RAP1GAP: variants seen among roughly 807,000 people sequenced by gnomAD.
The protein encoded by RAP1GAP is RAP1 GTPase activating protein, also known as rap1 GTPase-activating protein 1.
In RAP1GAP, 35 loss-of-function variants were observed where a neutral mutation model predicts 87.2. The ratio of observed to expected loss-of-function variants is 0.40; its 90% confidence interval spans 0.31 to 0.53. RAP1GAP has a LOEUF of 0.53. Ranked by LOEUF, RAP1GAP falls within the 20% of genes least tolerant of loss-of-function variation. The pLI is 0.48. For synonymous variants in RAP1GAP, 375 were observed against 363.9 expected, an observed-to-expected ratio of 1.03 and a Z score of -0.35; for missense variants, 734 against 898.9, an observed-to-expected ratio of 0.82 and a Z score of 2.35.
intron 2 of RAP1GAP, among the ~76,000 whole-genome samples, chr1:21,637,892 T>TG (rs1177644192): frequency 2.1e-5 from 3 of 144,138 alleles, no homozygotes; most frequent in Non-Finnish European, 3.0e-5. Flanking sequence ...CCTAGCACTT[T>TG]GGGAGGCCAA....
Position 21,602,889 on chromosome 1 carries a change from G to C in RAP1GAP, c.1453C>G (p.Pro485Ala). The change falls in exon 19 of 25, where the codon CCC (proline) becomes GCC (alanine). Residue 485 changes from proline (P) to alanine (A), a missense_variant. Physicochemically the swap from Pro to Ala is conservative, Grantham distance 27 (BLOSUM62 -1). Around this residue, in one of 2 missense-constraint regions of RAP1GAP, gnomAD observed 249 missense variants for 252.7 expected, o/e 0.99. Transcript: ENST00000374765. ...GISLIVPGKS[P>A]TRKKSGPFGS... ...AACGGGCCCGACTTCTTCCTCGTGG[G>C]GCTCTTCCCAGGGACAATCAGTGAC... is the stretch of plus-strand genomic sequence containing the variant. 1 of 1,610,362 alleles carries C rather than the reference G, an allele frequency of 6.2e-7. No homozygotes were observed. The highest frequency in any genetic ancestry group is 8.5e-7 in the Non-Finnish European group (1 of 1,179,566).
intron 22 of RAP1GAP, 88 bp from the exon 23 acceptor site, chr1:21,598,152 G>A: frequency 1.1e-6 from 1 of 885,280 alleles, no homozygotes; most frequent in Non-Finnish European, 1.7e-6. Flanking sequence ...CGGCACCAGT[G>A]CGCTCCAACC....
At chr1:21,618,091 A>G in intron 5 of RAP1GAP, 119 bp from the exon 6 acceptor site, 1 of 1,173,580 alleles carries the variant, frequency 8.5e-7, no homozygotes, top group Non-Finnish European at 1.3e-6. Flanking sequence ...TGGCCTCATC[A>G]CCTCTTACAG....
At chr1:21,608,397 C>A in intron 16 of RAP1GAP, 47 bp from the exon 17 acceptor site, 4 of 1,588,482 alleles carry the variant, frequency 2.5e-6, no homozygotes, top group Non-Finnish European at 3.4e-6. Context: ...AGGATCAGCC[C>A]TTCGGCCCAC....
intron 2 of RAP1GAP, among the ~76,000 whole-genome samples, chr1:21,632,651 G>C (rs1485940669): frequency 2.0e-5 from 3 of 152,192 alleles, no homozygotes; most frequent in Non-Finnish European, 4.4e-5. Context: ...TGTAATCCCA[G>C]CACTTTGGTA....
At position 21,613,714 on chromosome 1, in the gene RAP1GAP, G is replaced by C; in HGVS notation, c.396-8C>G. ...TATGTCCGGCACTTGGTCCTGAGAAGAGAAAGTCACACGATGAAGGCCTGG... is the reference window on the plus strand; with the variant it reads ...TATGTCCGGCACTTGGTCCTGAGAACAGAAAGTCACACGATGAAGGCCTGG... On this transcript the variant is annotated splice_region_variant and splice_polypyrimidine_tract_variant and intron_variant, in intron 8 of 24. Transcript: ENST00000374765. The surrounding 1 kb of genome is among the most constrained non-coding windows in gnomAD (Gnocchi z 4.7). 2 of 1,608,778 alleles carry C rather than the reference G, an allele frequency of 1.2e-6. No homozygotes were observed. The highest frequency in any genetic ancestry group is 1.7e-6 in the Non-Finnish European group (2 of 1,175,780).
intron 1 of RAP1GAP, chr1:21,651,756 C>A: frequency 6.9e-7 from 1 of 1,456,856 alleles, no homozygotes; most frequent in Non-Finnish European, 9.0e-7. Flanking sequence ...ACGCGCCCCG[C>A]CCCGCGCCGC....
chr1:21,643,309 T>C (rs2095697251), intron 2 of RAP1GAP, among the ~76,000 whole-genome samples: 2 of 152,054 alleles, frequency 1.3e-5, no homozygotes, highest in African/African-American at 2.4e-5. Flanking sequence ...CCTGTAATCC[T>C]AGCACCTTGG....
At chr1:21,607,065 C>A (rs2149093668) in intron 17 of RAP1GAP, among the ~76,000 whole-genome samples, 1 of 152,350 alleles carries the variant, frequency 6.6e-6, no homozygotes, top group South Asian at 2.1e-4. Flanking sequence ...CTTATTCCAA[C>A]CCATAGCTCC....
Position 21,603,951 on chromosome 1 carries a change from CAG to C in RAP1GAP, c.1429-1040_1429-1039del. ...GAGGGCGGGGGCAGAGAGAGAGAGACAGAGAGAGAGTCAGAGAGCAAGAGAGA... is the reference window on the plus strand; with the variant it reads ...GAGGGCGGGGGCAGAGAGAGAGAGACAGAGAGAGTCAGAGAGCAAGAGAGA... On this transcript the variant is annotated intron_variant, in intron 18 of 24. Transcript: ENST00000374765. The surrounding 1 kb of genome is among the most constrained non-coding windows in gnomAD (Gnocchi z 6.0). 2.2e-6 allele frequency: 3 copies of C among 1,390,702 alleles called. No individual in the cohort carries two copies. Among genetic ancestry groups the C allele is most frequent in the African/African-American group, 1.4e-5 (1 of 69,544 alleles). The allele number at this position is 1,390,702 out of a possible 1,614,324, so 86.1% of individuals were successfully genotyped here.
At chr1:21,620,443 C>G (rs994090458) in intron 3 of RAP1GAP, among the ~76,000 whole-genome samples, 1 of 152,234 alleles carries the variant, frequency 6.6e-6, no homozygotes, top group Non-Finnish European at 1.5e-5. Flanking sequence ...GCTCAGTCAA[C>G]CAGGCTCAGG....
chr1:21,616,473 TA>T (rs2082240703), intron 7 of RAP1GAP, among the ~76,000 whole-genome samples: 1 of 152,224 alleles, frequency 6.6e-6, no homozygotes, highest in Non-Finnish European at 1.5e-5. Context: ...CGAGGAAAGT[TA>T]AATAACTTGC....
At chr1:21,633,885 GCAC>G (rs2094246914) in intron 2 of RAP1GAP, among the ~76,000 whole-genome samples, 1 of 152,072 alleles carries the variant, frequency 6.6e-6, no homozygotes, top group African/African-American at 2.4e-5. Context: ...GAGGACAAGG[GCAC>G]AGACCTCCCA....
intron 3 of RAP1GAP, among the ~76,000 whole-genome samples, chr1:21,621,760 GC>G (rs1363731597): frequency 1.3e-5 from 2 of 152,200 alleles, no homozygotes; most frequent in Non-Finnish European, 2.9e-5. Context: ...GATGATGGGT[GC>G]ATTAATGTCC....
intron 1 of RAP1GAP, among the ~76,000 whole-genome samples, chr1:21,656,343 C>T (rs967043294): frequency 2.7e-5 from 4 of 149,294 alleles, no homozygotes; most frequent in African/African-American, 1.0e-4. Context: ...CGCTTGAACC[C>T]AGGAGGCAGA....
In RAP1GAP at chr1:21,634,064, G is replaced by C. The variant is rs925635934; in HGVS notation, c.-112-7667C>G. On this transcript the variant is annotated intron_variant, in intron 2 of 24. Coordinates refer to ENST00000374765, the MANE Select transcript of RAP1GAP (RefSeq NM_002885.4). This position sits in a 1 kb window ranked among gnomAD's most constrained non-coding sequence, Gnocchi z 4.1. Reference sequence around the variant, plus strand: ...CCCCAGAACTGCCCCCTCCCGGGGGGGGGGGGGGGCCACAGAAGCCCATTG... The same window carrying C: ...CCCCAGAACTGCCCCCTCCCGGGGGCGGGGGGGGGCCACAGAAGCCCATTG... Among the ~76,000 whole-genome samples, 13 of 73,122 alleles carry C rather than the reference G, an allele frequency of 1.8e-4. No homozygotes were observed. The highest frequency in any genetic ancestry group is 1.2e-3 in the East Asian group (5 of 4,004). 48.0% of individuals were successfully genotyped at this position (73,122 alleles called of 152,430 possible).
rs2097445854 is a variant in RAP1GAP, at chr1:21,668,347, A to C, written c.-149+907T>G. On this transcript the variant is annotated intron_variant, in intron 1 of 24. Transcript: ENST00000374765. The surrounding 1 kb of genome is among the most constrained non-coding windows in gnomAD (Gnocchi z 6.2). ...TGCCGCCCCAGGGGCCTGACCTCTG[A>C]CTTGGCAGGGAGGGGAATGGAGCCC... Among the ~76,000 whole-genome samples, 1 of 151,842 alleles carries C rather than the reference A, an allele frequency of 6.6e-6. No homozygotes were observed. The highest frequency in any genetic ancestry group is 1.5e-5 in the Non-Finnish European group (1 of 67,930).
At chr1:21,630,419 C>T (rs1387384211) in intron 2 of RAP1GAP, among the ~76,000 whole-genome samples, 1 of 151,942 alleles carries the variant, frequency 6.6e-6, no homozygotes, top group African/African-American at 2.4e-5. Context: ...CAGGCACCAC[C>T]ATGCCCAGCT....
At chr1:21,652,106 C>T (rs374155559) in intron 1 of RAP1GAP, among the ~76,000 whole-genome samples, 1 of 147,750 alleles carries the variant, frequency 6.8e-6, no homozygotes, top group African/African-American at 2.5e-5. Context: ...CCCTCCCCCA[C>T]CCCCTTCCCG....
Sources: gnomAD v4.1 joint callset for allele counts (sites outside exome capture counted in the v4.1 genomes callset) on GRCh38, gnomAD v4.1.1 for gene constraint, gnomAD v4.1.1 regional missense constraint, Gnocchi (gnomAD v3.1) non-coding constraint, MANE v1.5 for transcripts, NCBI Gene and HGNC (gene_info 2026-07-23, HGNC 2026-07-21) for gene names.